The following ARHGAP10 variants were observed in gnomAD, a reference collection of about 807,000 sequenced individuals.
ARHGAP10 encodes rho GTPase-activating protein 10.
Under a neutral mutation model 108.6 loss-of-function variants are expected in ARHGAP10, and 87 were observed. The ratio of observed to expected loss-of-function variants is 0.80; its 90% CI spans 0.67 to 0.96. The LOEUF is 0.96. Among genes scored for constraint, ARHGAP10 ranks in the 40% least tolerant of loss-of-function variants. The pLI is 0.00. For synonymous variants in ARHGAP10, 347 were observed against 341.1 expected, an observed-to-expected ratio of 1.02 and a Z score of -0.19; for missense variants, 939 against 954.5, an observed-to-expected ratio of 0.98 and a Z score of 0.21.
At chr4:147,787,029 T>G (rs1369082259) in intron 1 of ARHGAP10, among the ~76,000 whole-genome samples, 1 of 152,210 alleles carries the variant, frequency 6.6e-6, no homozygotes, top group Admixed American at 6.5e-5. Context: ...TGAAGTGCTT[T>G]CTTCTCTATT....
chr4:148,049,448 C>A (rs116470089), intron 20 of ARHGAP10, among the ~76,000 whole-genome samples: 1 of 152,204 alleles, frequency 6.6e-6, no homozygotes, highest in South Asian at 2.1e-4. Context: ...TAGGGTCGTG[C>A]GTTGCTGTCC....
intron 19 of ARHGAP10, among the ~76,000 whole-genome samples, chr4:148,042,817 G>A (rs1310284213): frequency 1.3e-5 from 2 of 152,192 alleles, no homozygotes; most frequent in Admixed American, 6.5e-5. Context: ...GAATAAAGTG[G>A]ATTAGAGATG....
At chr4:148,017,974 G>A (rs1741414451) in intron 18 of ARHGAP10, among the ~76,000 whole-genome samples, 1 of 152,088 alleles carries the variant, frequency 6.6e-6, no homozygotes, top group African/African-American at 2.4e-5. Flanking sequence ...ATTGTGTTGT[G>A]TCTGAGGAAT....
intron 19 of ARHGAP10, among the ~76,000 whole-genome samples, chr4:148,032,348 T>A: frequency 1.9e-5 from 1 of 52,646 alleles, no homozygotes; most frequent in African/African-American, 7.4e-5. Flanking sequence ...CCCCCCCCCA[T>A]ATTGTAGGCC....
intron 1 of ARHGAP10, among the ~76,000 whole-genome samples, chr4:147,822,208 A>G (rs933591280): frequency 1.3e-5 from 2 of 152,220 alleles, no homozygotes; most frequent in African/African-American, 2.4e-5. Flanking sequence ...GCTGTTTTCT[A>G]TGAACATTCT....
chr4:148,030,405 T>C (rs2149669142), intron 19 of ARHGAP10, among the ~76,000 whole-genome samples: 1 of 152,356 alleles, frequency 6.6e-6, no homozygotes, highest in Middle Eastern at 3.4e-3. Context: ...AAGTATTGTT[T>C]ATCCTGAATG....
At chr4:147,904,474 C>T (rs935326321) in intron 10 of ARHGAP10, among the ~76,000 whole-genome samples, 2 of 148,864 alleles carry the variant, frequency 1.3e-5, no homozygotes, top group Non-Finnish European at 3.0e-5. Context: ...TGAGTGAGAA[C>T]ATGCAGTGTT....
At chr4:147,750,601 CTT>C (rs773142482) in intron 1 of ARHGAP10, among the ~76,000 whole-genome samples, 6 of 142,852 alleles carry the variant, frequency 4.2e-5, no homozygotes, top group Admixed American at 7.1e-5. Context: ...TATAAAATAT[CTT>C]TTTTTTTTTT....
intron 19 of ARHGAP10, among the ~76,000 whole-genome samples, chr4:148,039,227 G>A (rs927787854): frequency 2.0e-5 from 3 of 151,988 alleles, no homozygotes; most frequent in Admixed American, 6.6e-5. Context: ...AGTGTTATCA[G>A]TATAGTTCTT....
At chr4:147,841,092 T>A (rs1439845808) in intron 3 of ARHGAP10, among the ~76,000 whole-genome samples, 9 of 152,206 alleles carry the variant, frequency 5.9e-5, no homozygotes, top group African/African-American at 2.2e-4. Context: ...CAGAGATGAG[T>A]AGTTGGAACT....
intron 5 of ARHGAP10, chr4:147,858,084 A>C (rs1734167485): frequency 6.6e-6 from 1 of 152,230 alleles, no homozygotes; most frequent in African/African-American, 2.4e-5. Context: ...CAGGAGGTTC[A>C]ACTTTGTTGG....
Position 147,774,761 on chromosome 4 carries a change from C to T in ARHGAP10, c.154+42306C>T, listed in dbSNP as rs911562105. On this transcript the variant is annotated intron_variant, in intron 1 of 22. Coordinates refer to ENST00000336498, the MANE Select transcript of ARHGAP10 (RefSeq NM_024605.4). ...TTGCTTAAAGAGGTAAGCAAGATTA[C>T]CTCTTGGGGCAAAGATTCTTGGCAG... Among the ~76,000 whole-genome samples the T allele has an allele frequency of 6.6e-5, 10 of 152,142 alleles. No homozygotes were observed. The South Asian group carries it at 1.2e-3, about 19-fold the overall frequency.
rs192159270 is a variant in ARHGAP10 at position 147,996,210 on chromosome 4, G to T, written c.1717-27053G>T. On this transcript the variant is annotated intron_variant, in intron 18 of 22. Coordinates refer to ENST00000336498, the MANE Select transcript of ARHGAP10 (RefSeq NM_024605.4). ...TTCAGAGAAAGGAGAGAATAGCTAG[G>T]ATATGGCCTATGGAAACCTCTATCA... Among the ~76,000 whole-genome samples, 6 of 152,264 alleles carry T rather than the reference G, an allele frequency of 3.9e-5. No homozygotes were observed. The East Asian group carries it at 9.6e-4, about 24-fold the overall frequency.
chr4:147,742,838 G>T (rs1449174619), intron 1 of ARHGAP10, among the ~76,000 whole-genome samples: 1 of 151,048 alleles, frequency 6.6e-6, no homozygotes, highest in Non-Finnish European at 1.5e-5. Flanking sequence ...CTGAATATAG[G>T]CCTCTCATTT....
At chr4:147,736,120 C>CTGTGTGTGTGTGTGTGTG (rs10644088) in intron 1 of ARHGAP10, among the ~76,000 whole-genome samples, 15 of 144,746 alleles carry the variant, frequency 1.0e-4, no homozygotes, top group African/African-American at 3.8e-4. Context: ...AATTGTCTAG[C>CTGTGTGTGTGTGTGTGTG]TGTGTGTGTG....
intron 19 of ARHGAP10, among the ~76,000 whole-genome samples, chr4:148,034,730 G>A (rs1280131134): frequency 6.6e-6 from 1 of 152,184 alleles, no homozygotes; most frequent in African/African-American, 2.4e-5. Context: ...TGTCTCAGCT[G>A]TACTGGAGGT....
intron 7 of ARHGAP10, among the ~76,000 whole-genome samples, chr4:147,871,925 A>T (rs1015320614): frequency 6.6e-6 from 1 of 152,004 alleles, no homozygotes; most frequent in African/African-American, 2.4e-5. Flanking sequence ...ATGTAGTGAG[A>T]CCCTGTCTCC....
At chr4:147,789,289 A>G (rs1199469694) in intron 1 of ARHGAP10, among the ~76,000 whole-genome samples, 1 of 152,108 alleles carries the variant, frequency 6.6e-6, no homozygotes, top group Non-Finnish European at 1.5e-5. Context: ...TGTGTTTTCC[A>G]CATATTTTAT....
chr4:147,915,824 C>T (rs1246249569), intron 13 of ARHGAP10, among the ~76,000 whole-genome samples: 1 of 152,096 alleles, frequency 6.6e-6, no homozygotes, highest in Non-Finnish European at 1.5e-5. Flanking sequence ...ATGAGGACAG[C>T]TGGGGGCACT....
Sources: gnomAD v4.1 joint callset for allele counts (sites outside exome capture counted in the v4.1 genomes callset) on GRCh38, gnomAD v4.1.1 for gene constraint, MANE v1.5 for transcripts, NCBI Gene and HGNC (gene_info 2026-07-23, HGNC 2026-07-21) for gene names.